The following NTM variants were observed in gnomAD, a reference collection of about 807,000 sequenced individuals.
NTM encodes the protein IgLON family member 2.
Under a neutral mutation model 42.1 loss-of-function variants are expected in NTM, and 13 were observed. The ratio of observed to expected loss-of-function variants is 0.31; its 90% CI spans 0.20 to 0.49. The LOEUF is 0.49. Among genes scored for constraint, NTM ranks in the 20% least tolerant of loss-of-function variants. The pLI is 0.99. For synonymous variants in NTM, 187 were observed against 179.2 expected, an observed-to-expected ratio of 1.04 and a Z score of -0.35; for missense variants, 373 against 452.8, an observed-to-expected ratio of 0.82 and a Z score of 1.60.
At chr11:131,586,681 G>GT (rs1437472369) in intron 1 of NTM, among the ~76,000 whole-genome samples, 1 of 152,134 alleles carries the variant, frequency 6.6e-6, no homozygotes, top group African/African-American at 2.4e-5. Flanking sequence ...ACAGTTTGTT[G>GT]TTTTAGGCTG....
chr11:131,857,143 C>T (rs183881192), intron 1 of NTM, among the ~76,000 whole-genome samples: 1 of 152,326 alleles, frequency 6.6e-6, no homozygotes, highest in African/African-American at 2.4e-5. Flanking sequence ...TCCTGGGACA[C>T]AGGCCTTCCA....
chr11:132,321,160 A>G (rs1232408218), intron 7 of NTM, among the ~76,000 whole-genome samples: 2 of 152,248 alleles, frequency 1.3e-5, no homozygotes, highest in Non-Finnish European at 2.9e-5. Flanking sequence ...CCAGCAACTG[A>G]ACAAAGCTGG....
chr11:131,568,905 C>T (rs527743653), intron 1 of NTM, among the ~76,000 whole-genome samples: 21 of 152,274 alleles, frequency 1.4e-4, no homozygotes, highest in African/African-American at 5.1e-4. Flanking sequence ...TCTTTTTCAA[C>T]AGCTTTATAG....
intron 2 of NTM, among the ~76,000 whole-genome samples, chr11:131,946,782 C>G (rs1189946930): frequency 1.3e-5 from 2 of 152,110 alleles, no homozygotes; most frequent in Admixed American, 6.5e-5. Context: ...TTTCTTTTAC[C>G]TAGAAGAATA....
intron 1 of NTM, among the ~76,000 whole-genome samples, chr11:131,788,755 CTTTCT>C (rs1473549740): frequency 1.3e-5 from 2 of 152,148 alleles, no homozygotes; most frequent in Admixed American, 1.3e-4. Context: ...GCTTCTCCCA[CTTTCT>C]TTTCTTCCAA....
intron 2 of NTM, among the ~76,000 whole-genome samples, chr11:132,110,689 T>C (rs374167371): frequency 3.8e-4 from 58 of 152,256 alleles, no homozygotes; most frequent in African/African-American, 1.4e-3. Flanking sequence ...AGAGTTTTTA[T>C]TGAACTTCTC....
intron 1 of NTM, among the ~76,000 whole-genome samples, chr11:131,455,231 C>T (rs969565514): frequency 3.9e-5 from 6 of 152,130 alleles, no homozygotes; most frequent in Non-Finnish European, 8.8e-5. Flanking sequence ...CAGCCAGCCC[C>T]GTGGGTTCAT....
chr11:131,379,785 T>G (rs1468433149), intron 1 of NTM, among the ~76,000 whole-genome samples: 1 of 152,168 alleles, frequency 6.6e-6, no homozygotes, highest in East Asian at 1.9e-4. Context: ...GGTTAAATAT[T>G]CCAAGGTTTG....
At chr11:132,249,450 G>A (rs1401195047) in intron 4 of NTM, among the ~76,000 whole-genome samples, 1 of 152,170 alleles carries the variant, frequency 6.6e-6, no homozygotes, top group African/African-American at 2.4e-5. Context: ...CCACCTGCAG[G>A]AGATGGACAA....
chr11:131,777,208 G>GCA, intron 1 of NTM: 1 of 251,104 alleles, frequency 4.0e-6, no homozygotes, highest in Non-Finnish European at 6.3e-6. Context: ...GCCTGAGCTA[G>GCA]ACACCTTGGT....
At chr11:131,865,876 CA>C (rs2047105210) in intron 1 of NTM, among the ~76,000 whole-genome samples, 1 of 129,752 alleles carries the variant, frequency 7.7e-6, no homozygotes, top group African/African-American at 2.9e-5. Flanking sequence ...ACACATGCTA[CA>C]CACACACCTC....
intron 3 of NTM, among the ~76,000 whole-genome samples, chr11:132,152,285 C>T (rs2072110204): frequency 6.6e-6 from 1 of 152,174 alleles, no homozygotes; most frequent in African/African-American, 2.4e-5. Context: ...CCAACACTTC[C>T]CATTCAAGCG....
intron 2 of NTM, among the ~76,000 whole-genome samples, chr11:132,122,450 G>T (rs190798614): frequency 8.5e-5 from 13 of 152,312 alleles, no homozygotes; most frequent in African/African-American, 2.6e-4. Flanking sequence ...TCATAGGAAT[G>T]AATACTTGTA....
chr11:132,254,575 C>T (rs2092308994), intron 4 of NTM, among the ~76,000 whole-genome samples: 1 of 152,082 alleles, frequency 6.6e-6, no homozygotes. Context: ...CCACTCTTCC[C>T]TCATTCCTTT....
At chr11:132,314,499 T>TCA in intron 6 of NTM, 53 bp from the exon 7 acceptor site, 2 of 1,557,554 alleles carry the variant, frequency 1.3e-6, no homozygotes, top group East Asian at 2.3e-5. Context: ...CTTCTTCCTA[T>TCA]GAGGACACAT....
At chr11:131,818,918 C>A (rs755640236) in intron 1 of NTM, among the ~76,000 whole-genome samples, 1 of 152,188 alleles carries the variant, frequency 6.6e-6, no homozygotes, top group Non-Finnish European at 1.5e-5. Flanking sequence ...GGTTGTTCTG[C>A]ATGAGTTCTG....
intron 2 of NTM, among the ~76,000 whole-genome samples, chr11:131,927,204 T>C (rs1448418234): frequency 6.6e-6 from 1 of 152,224 alleles, no homozygotes; most frequent in Non-Finnish European, 1.5e-5. Context: ...ATTATCTCCA[T>C]TTGTGGCTGA....
At chr11:131,983,728 T>G (rs2134967440) in intron 2 of NTM, among the ~76,000 whole-genome samples, 1 of 152,326 alleles carries the variant, frequency 6.6e-6, no homozygotes, top group East Asian at 1.9e-4. Flanking sequence ...TGACTCAATA[T>G]AAATTTATGA....
At chr11:132,084,363 T>C (rs1455058261) in intron 2 of NTM, among the ~76,000 whole-genome samples, 2 of 152,170 alleles carry the variant, frequency 1.3e-5, no homozygotes, top group African/African-American at 4.8e-5. Context: ...TTTAGAAATC[T>C]CATACAATTT....
Sources: allele counts gnomAD v4.1 joint callset (sites outside exome capture counted in the v4.1 genomes callset), GRCh38; gene constraint gnomAD v4.1.1; transcripts MANE v1.5; gene names NCBI Gene and HGNC (gene_info 2026-07-23, HGNC 2026-07-21).